MIS18A: variants seen among roughly 807,000 people sequenced by gnomAD.
The protein encoded by MIS18A is MIS18 kinetochore protein A.
Under a neutral mutation model 25.0 loss-of-function variants are expected in MIS18A, and 14 were observed. The ratio of observed to expected loss-of-function variants is 0.56; its 90% CI spans 0.37 to 0.88. The LOEUF is 0.88. Ranked by LOEUF, MIS18A falls within the 40% of genes least tolerant of loss-of-function variation. The pLI is 0.00. For synonymous variants in MIS18A, 134 were observed against 118.6 expected (o/e 1.13, Z -0.84); for missense variants, 292 against 290.8 (o/e 1.00, Z -0.03).
At chr21:32,265,967 A>G (rs1261556265), downstream of MIS18A, among the ~76,000 whole-genome samples, 1 of 152,116 alleles carries the variant, frequency 6.6e-6, no homozygotes, top group Non-Finnish European at 1.5e-5. Context: ...GATTGTAAAT[A>G]CACCAATCAG....
the MIS18A span, among the ~76,000 whole-genome samples, chr21:32,245,115 GACTT>G: frequency 2.0e-5 from 3 of 152,140 alleles, no homozygotes; most frequent in African/African-American, 7.2e-5. Context: ...ATTGATCATT[GACTT>G]ACTTGTGAAG....
chr21:32,179,007 T>C, the MIS18A span, among the ~76,000 whole-genome samples: 1 of 152,058 alleles, frequency 6.6e-6, no homozygotes, highest in East Asian at 1.9e-4. Flanking sequence ...TTATATTGTT[T>C]ATATTTAGAA....
chr21:32,162,081 A>G, the MIS18A span, among the ~76,000 whole-genome samples: 1 of 152,266 alleles, frequency 6.6e-6, no homozygotes, highest in East Asian at 1.9e-4. Context: ...CCTGAAGCTC[A>G]GGGGTATCTG....
rs533852698 is a variant in MIS18A, at chr21:32,277,104, A to T, written c.334+1577T>A. On this transcript the variant is annotated intron_variant, in intron 1 of 4. Transcript: ENST00000290130. ...ATTGGGTAAGGAAGGAATGGAAATG[A>T]ATCCGAGTTCATTTATTTGTCTTTA... Among the ~76,000 whole-genome samples the T allele has an allele frequency of 3.4e-3, 518 of 152,312 alleles. 6 individuals are homozygous for T. Among genetic ancestry groups the T allele is most frequent in the Non-Finnish European group, 3.6e-3 (247 of 68,022 alleles).
At chr21:32,265,480 T>C (rs1042435740), downstream of MIS18A, among the ~76,000 whole-genome samples, 9 of 152,198 alleles carry the variant, frequency 5.9e-5, no homozygotes, top group South Asian at 1.0e-3. Context: ...CCTGGGCCAG[T>C]GGCTGCGGAG....
the MIS18A span, among the ~76,000 whole-genome samples, chr21:32,213,672 AAAGACTATTACCAGGAACTCTTCT>A: frequency 2.0e-5 from 3 of 152,226 alleles, no homozygotes; most frequent in Admixed American, 1.3e-4. Context: ...ACAGCATTAT[AAAGACTATTACCAGGAACTCTTCT>A]AACGTTCTCA....
the MIS18A span, among the ~76,000 whole-genome samples, chr21:32,236,079 TA>T: frequency 0.5 from 75,713 of 151,484 alleles, 20,161 homozygotes; most frequent in African/African-American, 0.69. Flanking sequence ...TTATTTAAAA[TA>T]AAAAAAAGAG....
the MIS18A span, among the ~76,000 whole-genome samples, chr21:32,180,765 C>G: frequency 5.9e-5 from 9 of 152,304 alleles, no homozygotes; most frequent in Non-Finnish European, 1.2e-4. Flanking sequence ...GAGCTTCTCC[C>G]TACGAGCCTA....
chr21:32,168,991 C>T, the MIS18A span, among the ~76,000 whole-genome samples: 1 of 152,122 alleles, frequency 6.6e-6, no homozygotes, highest in South Asian at 2.1e-4. Context: ...CATAAAAGCG[C>T]AGAGAACAAC....
the MIS18A span, among the ~76,000 whole-genome samples, chr21:32,213,673 A>G: frequency 6.6e-6 from 1 of 152,216 alleles, no homozygotes; most frequent in Non-Finnish European, 1.5e-5. Context: ...CAGCATTATA[A>G]AGACTATTAC....
At chr21:32,191,561 G>A in the MIS18A span, among the ~76,000 whole-genome samples, 1 of 152,042 alleles carries the variant, frequency 6.6e-6, no homozygotes, top group Admixed American at 6.6e-5. Context: ...CCAGCCCTAG[G>A]TGACAGAGCA....
chr21:32,206,916 A>G, the MIS18A span, among the ~76,000 whole-genome samples: 1 of 152,148 alleles, frequency 6.6e-6, no homozygotes, highest in African/African-American at 2.4e-5. Context: ...GGGACCATAT[A>G]CCAGAGGCTC....
chr21:32,157,213 T>C, the MIS18A span, among the ~76,000 whole-genome samples: 1 of 141,672 alleles, frequency 7.1e-6, no homozygotes, highest in Non-Finnish European at 1.5e-5. Flanking sequence ...CCCGCCACCG[T>C]ACCCGGCTAA....
the MIS18A span, among the ~76,000 whole-genome samples, chr21:32,259,094 G>A: frequency 2.0e-5 from 3 of 151,918 alleles, no homozygotes; most frequent in African/African-American, 2.4e-5. Context: ...GGCCAGTCTC[G>A]AACTCCTAGA....
chr21:32,266,375 A>C (rs558548069), downstream of MIS18A, among the ~76,000 whole-genome samples: 2,905 of 152,242 alleles, frequency 0.019, 70 homozygotes, highest in African/African-American at 0.066. Context: ...AAGAGAATAA[A>C]AGCAGGCTGC....
At chr21:32,202,782 C>T in the MIS18A span, among the ~76,000 whole-genome samples, 1 of 152,180 alleles carries the variant, frequency 6.6e-6, no homozygotes, top group East Asian at 1.9e-4. Flanking sequence ...TCAAGGTTCA[C>T]CCACGTTGTA....
chr21:32,177,024 ATC>A, the MIS18A span, among the ~76,000 whole-genome samples: 4 of 152,264 alleles, frequency 2.6e-5, no homozygotes, highest in South Asian at 6.2e-4. Context: ...TTTCAGGAAA[ATC>A]TCTCTCATGA....
chr21:32,216,377 C>A, the MIS18A span, among the ~76,000 whole-genome samples: 1 of 152,180 alleles, frequency 6.6e-6, no homozygotes, highest in Non-Finnish European at 1.5e-5. Flanking sequence ...TGTCATCATT[C>A]CACCTGTCTA....
At chr21:32,188,056 A>T in the MIS18A span, among the ~76,000 whole-genome samples, 2 of 151,934 alleles carry the variant, frequency 1.3e-5, no homozygotes, top group African/African-American at 4.8e-5. Context: ...GCGAAGACAC[A>T]GCAAGAAGGT....
Sources: gnomAD v4.1 joint callset for allele counts (sites outside exome capture counted in the v4.1 genomes callset) on GRCh38, gnomAD v4.1.1 for gene constraint, MANE v1.5 for transcripts, NCBI Gene and HGNC (gene_info 2026-07-23, HGNC 2026-07-21) for gene names.